SLC25A44: variants seen among roughly 807,000 people sequenced by gnomAD.
SLC25A44 encodes solute carrier family 25 member 44.
SLC25A44 carries 17 observed loss-of-function variants against 29.9 expected under a neutral mutation model. The ratio of observed to expected loss-of-function variants is 0.57; its 90% CI spans 0.39 to 0.85. The LOEUF (loss-of-function observed/expected upper bound fraction) is 0.85, where lower values mean the gene tolerates loss of function less well. Among genes scored for constraint, SLC25A44 ranks in the 40% least tolerant of loss-of-function variants. SLC25A44 has a pLI of 0.00. For synonymous variants in SLC25A44, 140 were observed against 151.8 expected (o/e 0.92, Z 0.57); for missense variants, 302 against 398.4 (o/e 0.76, Z 2.06).
intron 3 of SLC25A44, among the ~76,000 whole-genome samples, chr1:156,209,938 A>C (rs1036854202): frequency 1.3e-5 from 2 of 151,922 alleles, no homozygotes; most frequent in Non-Finnish European, 2.9e-5. Flanking sequence ...TTTCTTGCTC[A>C]TAACAACCTC....
intron 2 of SLC25A44, 95 bp downstream of exon 2, chr1:156,200,567 T>A: frequency 8.8e-7 from 1 of 1,131,086 alleles, no homozygotes; most frequent in Non-Finnish European, 1.3e-6. Flanking sequence ...AGGTGAGATT[T>A]AATGGGGGAA....
chr1:156,208,793 G>A (rs1267301734), intron 3 of SLC25A44, among the ~76,000 whole-genome samples: 2 of 152,166 alleles, frequency 1.3e-5, no homozygotes, highest in Non-Finnish European at 2.9e-5. Context: ...AGATTTTATG[G>A]TGTGGATGCA....
chr1:156,203,545 C>G (rs1348631367), intron 2 of SLC25A44, among the ~76,000 whole-genome samples: 2 of 152,114 alleles, frequency 1.3e-5, no homozygotes, highest in Non-Finnish European at 2.9e-5. Flanking sequence ...TCAAGCCAGT[C>G]TTAGCCAAGT....
chr1:156,201,168 C>T (rs1259190321), intron 2 of SLC25A44, among the ~76,000 whole-genome samples: 2 of 152,110 alleles, frequency 1.3e-5, no homozygotes, highest in African/African-American at 4.8e-5. Context: ...AACCTTGAAC[C>T]TCTCCACTCC....
chr1:156,197,384 A>G (rs963822792), intron 1 of SLC25A44: 1 of 152,196 alleles, frequency 6.6e-6, no homozygotes, highest in African/African-American at 2.4e-5. Flanking sequence ...AATCTTGCCA[A>G]TCCAGTTGAC....
At chr1:156,203,977 T>C (rs2103043638) in intron 2 of SLC25A44, among the ~76,000 whole-genome samples, 1 of 151,886 alleles carries the variant, frequency 6.6e-6, no homozygotes, top group South Asian at 2.1e-4. Context: ...GTGCAGGGAT[T>C]ACAGGCATGA....
intron 1 of SLC25A44, 110 bp downstream of exon 1, chr1:156,194,357 T>C (rs1656075793): frequency 6.6e-6 from 1 of 152,596 alleles, no homozygotes; most frequent in African/African-American, 2.4e-5. Flanking sequence ...CATGCAGTTT[T>C]GGGAATGAAG....
chr1:156,206,072 G>T lies in SLC25A44; in HGVS notation c.626-1814G>T, dbSNP rs550119856. Among the ~76,000 whole-genome samples the T allele has an allele frequency of 3.9e-5, 6 of 152,178 alleles. 1 individual carries two copies. The South Asian group carries it at 1.2e-3, about 32-fold the overall frequency. On this transcript the variant is annotated intron_variant, in intron 2 of 3. Coordinates refer to ENST00000359511, the MANE Select transcript of SLC25A44 (RefSeq NM_014655.4). Reference sequence around the variant, plus strand: ...AGGCTGGAGAAAAGTGCTTATTGTAGGATGTGACTTTCTATTTTAATATTG... The same window carrying T: ...AGGCTGGAGAAAAGTGCTTATTGTATGATGTGACTTTCTATTTTAATATTG...
chr1:156,210,486 G>A lies in SLC25A44; in HGVS notation c.*55G>A, dbSNP rs1657229339. On this transcript the variant is annotated 3_prime_UTR_variant, in exon 4 of 4. Transcript: ENST00000359511. ...TCCACACTACCGTGGGTCAGGGGCA[G>A]AGTGGAGAGGACAGCACCCTCTCCA... 3.7e-6 allele frequency: 5 copies of A among 1,368,354 alleles called. No homozygotes were observed. The South Asian group carries it at 4.4e-5, about 12-fold the overall frequency. The allele number at this position is 1,368,354 out of a possible 1,614,324, so 84.8% of individuals were successfully genotyped here. A position where few individuals can be genotyped will look rare whatever the true frequency, so the allele number is the denominator to read the frequency against.
At chr1:156,195,189 C>T (rs1173816408) in intron 1 of SLC25A44, among the ~76,000 whole-genome samples, 1 of 151,882 alleles carries the variant, frequency 6.6e-6, no homozygotes, top group Non-Finnish European at 1.5e-5. Context: ...CTGCAAGCTC[C>T]GCCTTCCGGG....
Position 156,212,267 on chromosome 1 carries a change from G to C in SLC25A44, c.*1836G>C, listed in dbSNP as rs1238011101. ...TAGCAAGACCTCTAGAGACCCTAGAGACTCGACTTTAGTCCTTCCCCGCCA... is the reference window on the plus strand; with the variant it reads ...TAGCAAGACCTCTAGAGACCCTAGACACTCGACTTTAGTCCTTCCCCGCCA... On this transcript the variant is annotated 3_prime_UTR_variant, in exon 4 of 4. Coordinates refer to ENST00000359511, the MANE Select transcript of SLC25A44 (RefSeq NM_014655.4). 2 of 152,306 alleles carry C rather than the reference G, an allele frequency of 1.3e-5. No individual in the cohort carries two copies. Among genetic ancestry groups the C allele is most frequent in the Non-Finnish European group, 2.9e-5 (2 of 68,036 alleles). 9.4% of individuals were successfully genotyped at this position (152,306 alleles called of 1,614,324 possible).
chr1:156,208,570 C>G (rs1657102133), intron 3 of SLC25A44, among the ~76,000 whole-genome samples: 1 of 152,216 alleles, frequency 6.6e-6, no homozygotes, highest in African/African-American at 2.4e-5. Flanking sequence ...ATCACATGCC[C>G]ATGCCTCCAG....
chr1:156,212,022 T>A lies in SLC25A44; in HGVS notation c.*1591T>A, dbSNP rs1199811909. On this transcript the variant is annotated 3_prime_UTR_variant, in exon 4 of 4. Coordinates refer to ENST00000359511, the MANE Select transcript of SLC25A44 (RefSeq NM_014655.4). ...CCACCACTGCCCATCTTGATCTCTT[T>A]GAGGGTTTTCCCATTTCACTTGATC... The A allele has an allele frequency of 6.5e-6, 1 of 152,910 alleles. No homozygotes were observed. The highest frequency in any genetic ancestry group is 1.5e-5 in the Non-Finnish European group (1 of 68,086). 9.5% of individuals were successfully genotyped at this position (152,910 alleles called of 1,614,324 possible). A position where few individuals can be genotyped will look rare whatever the true frequency, so the allele number is the denominator to read the frequency against.
At chr1:156,206,427 G>A (rs887199426) in intron 2 of SLC25A44, among the ~76,000 whole-genome samples, 3 of 152,000 alleles carry the variant, frequency 2.0e-5, no homozygotes, top group Admixed American at 6.6e-5. Context: ...TGGTAGAGAC[G>A]GGGTTTCACC....
In SLC25A44 at chr1:156,212,675, G is replaced by C. The variant is rs1331870448; in HGVS notation, c.*2244G>C. 4.8e-6 allele frequency: 1 copy of C among 208,878 alleles called. No individual in the cohort carries two copies. The highest frequency in any genetic ancestry group is 2.3e-5 in the African/African-American group (1 of 43,582). The allele number at this position is 208,878 out of a possible 1,614,324, so 12.9% of individuals were successfully genotyped here. ...TTGGAGCACTGAGGAACAAGGGAAT[G>C]AAAAGGCAGACTCTCTGAACGTTTG... is the stretch of plus-strand genomic sequence containing the variant. On this transcript the variant is annotated 3_prime_UTR_variant, in exon 4 of 4. Transcript: ENST00000359511.
At chr1:156,199,556 A>C (rs1656418339) in intron 1 of SLC25A44, 1 of 439,398 alleles carries the variant, frequency 2.3e-6, no homozygotes, top group Non-Finnish European at 4.1e-6. Context: ...CGAGGAGGCC[A>C]TGGAGCCAGG....
At chr1:156,207,840 C>T (rs747006844) in intron 2 of SLC25A44, 46 bp from the exon 3 acceptor site, 13 of 1,609,600 alleles carry the variant, frequency 8.1e-6, no homozygotes, top group South Asian at 5.5e-5. Context: ...GAGGGCAGAC[C>T]GGTGGTGCTT....
intron 2 of SLC25A44, among the ~76,000 whole-genome samples, chr1:156,204,920 T>TG (rs1461752172): frequency 6.6e-6 from 1 of 152,278 alleles, no homozygotes; most frequent in African/African-American, 2.4e-5. Flanking sequence ...GAGGTGGTTC[T>TG]GGTGAGGTTT....
At chr1:156,204,508 C>T (rs188344939) in intron 2 of SLC25A44, among the ~76,000 whole-genome samples, 8 of 151,826 alleles carry the variant, frequency 5.3e-5, no homozygotes, top group Middle Eastern at 3.4e-3. Context: ...TTGTTTCAAA[C>T]GGAGTTTCAC....
Sources: allele counts gnomAD v4.1 joint callset (sites outside exome capture counted in the v4.1 genomes callset), GRCh38; gene constraint gnomAD v4.1.1; transcripts MANE v1.5; gene names NCBI Gene and HGNC (gene_info 2026-07-23, HGNC 2026-07-21).